Variants in PIK3R6 observed in about 807,000 individuals in gnomAD.
PIK3R6 encodes phosphoinositide 3-kinase regulatory subunit 6.
In PIK3R6, 91 loss-of-function variants were observed where a neutral mutation model predicts 84.9. The ratio of observed to expected loss-of-function variants is 1.07; its 90% CI spans 0.90 to 1.28. PIK3R6 has a LOEUF of 1.28. PIK3R6 is among the 50% of genes most tolerant of loss of function. The probability of loss-of-function intolerance (pLI) is 0.00; values close to 1 mark genes in which losing one functional copy is unlikely to be tolerated. For synonymous variants in PIK3R6, 416 were observed against 411.4 expected (o/e 1.01, Z -0.13); for missense variants, 996 against 985.1 (o/e 1.01, Z -0.15).
In PIK3R6 at chr17:8,832,982, C is replaced by T. The variant is rs749095989; in HGVS notation, c.709G>A (p.Ala237Thr). Residue 237 changes from alanine to threonine, a missense_variant, in exon 9 of 20, where the codon GCC becomes ACC. Physicochemically the swap from Ala to Thr is moderately conservative, Grantham distance 58. Transcript: ENST00000619866. ...TCCCGGCTCGGGCTGGCCTCGCTGG[C>T]CATCTGCTCCAAGGCGGCCACCACG... ...HAVVAALEQM[A>T]SEASPSREGH... The T allele has an allele frequency of 6.2e-7, 1 of 1,611,712 alleles. No individual in the cohort carries two copies. The highest frequency in any genetic ancestry group is 8.5e-7 in the Non-Finnish European group (1 of 1,179,608).
intron 1 of PIK3R6, among the ~76,000 whole-genome samples, chr17:8,851,388 T>C (rs1323947724): frequency 2.0e-5 from 3 of 148,308 alleles, no homozygotes; most frequent in Admixed American, 6.7e-5. Context: ...CCCAGCTACT[T>C]GGGAGGCTGG....
intron 18 of PIK3R6, among the ~76,000 whole-genome samples, chr17:8,816,137 T>C (rs1310558301): frequency 6.6e-6 from 1 of 152,160 alleles, no homozygotes; most frequent in Non-Finnish European, 1.5e-5. Flanking sequence ...ACAGAAGGAT[T>C]AGACTCCCAG....
intron 7 of PIK3R6, 119 bp downstream of exon 7, chr17:8,836,428 A>G (rs1597413820): frequency 7.9e-6 from 8 of 1,015,020 alleles, no homozygotes. Context: ...ATGGCTGGGG[A>G]GGTCTGCTAG....
chr17:8,836,462 CT>C, intron 7 of PIK3R6, 84 bp downstream of exon 7: 3 of 1,460,774 alleles, frequency 2.1e-6, no homozygotes, highest in African/African-American at 1.4e-5. Context: ...CCAGCCTCCT[CT>C]TTTGTCCTCC....
chr17:8,829,873 G>T (rs1036212304), intron 9 of PIK3R6, 81 bp from the exon 10 acceptor site: 19 of 1,171,318 alleles, frequency 1.6e-5, no homozygotes, highest in Non-Finnish European at 2.3e-5. Flanking sequence ...CCCAGCTCCT[G>T]TGCGGGGTCT....
rs544381702 is a variant in PIK3R6 at position 8,833,819 on chromosome 17, C to T, written c.646-774G>A. Among the ~76,000 whole-genome samples the T allele has an allele frequency of 4.6e-5, 7 of 151,986 alleles. No homozygotes were observed. In the South Asian group the frequency reaches 1.5e-3, roughly 32 times the overall value. ...CCTCCCAAAGTGTTGGGATTACAGG[C>T]GTGAACCACCGCGCTTGGCCGAAAG... On this transcript the variant is annotated intron_variant, in intron 8 of 19. Coordinates refer to ENST00000619866, the MANE Select transcript of PIK3R6 (RefSeq NM_001010855.4).
At chr17:8,831,809 C>T (rs1319530064) in intron 9 of PIK3R6, among the ~76,000 whole-genome samples, 2 of 152,132 alleles carry the variant, frequency 1.3e-5, no homozygotes, top group African/African-American at 4.8e-5. Flanking sequence ...TTTGAATGAC[C>T]ACGAAATAGG....
At chr17:8,856,919 C>T (rs562974470) in intron 1 of PIK3R6, among the ~76,000 whole-genome samples, 2 of 152,008 alleles carry the variant, frequency 1.3e-5, no homozygotes, top group East Asian at 1.9e-4. Context: ...TCTGGGAGCC[C>T]GCCAGTCAAT....
At chr17:8,855,401 G>C (rs1010616018) in intron 1 of PIK3R6, among the ~76,000 whole-genome samples, 2 of 151,192 alleles carry the variant, frequency 1.3e-5, no homozygotes, top group African/African-American at 4.9e-5. Flanking sequence ...ATGGGCAAAA[G>C]ATCTAAATAA....
intron 1 of PIK3R6, among the ~76,000 whole-genome samples, chr17:8,858,148 A>G (rs551833926): frequency 1.3e-5 from 2 of 152,258 alleles, no homozygotes; most frequent in East Asian, 3.9e-4. Flanking sequence ...CCCCCAGGGG[A>G]TGAGCTTGCA....
At chr17:8,834,987 G>A (rs1005589004) in intron 8 of PIK3R6, among the ~76,000 whole-genome samples, 9 of 152,006 alleles carry the variant, frequency 5.9e-5, no homozygotes, top group Non-Finnish European at 8.8e-5. Flanking sequence ...ACAGGTGCCC[G>A]CCACCACGGC....
At chr17:8,848,761 T>C (rs1271781383) in intron 2 of PIK3R6, among the ~76,000 whole-genome samples, 2 of 152,166 alleles carry the variant, frequency 1.3e-5, no homozygotes, top group African/African-American at 4.8e-5. Context: ...CCCAGAATAT[T>C]GTAACACCAG....
chr17:8,843,317 T>A (rs1343628855), intron 2 of PIK3R6, among the ~76,000 whole-genome samples: 1 of 152,180 alleles, frequency 6.6e-6, no homozygotes, highest in African/African-American at 2.4e-5. Flanking sequence ...CTTTCTTTTT[T>A]CCTTCCTTCT....
intron 1 of PIK3R6, among the ~76,000 whole-genome samples, chr17:8,858,419 C>T (rs1350518649): frequency 2.7e-5 from 4 of 145,586 alleles, no homozygotes; most frequent in South Asian, 2.2e-4. Context: ...TGGGTTCAAA[C>T]GATTCTCTTG....
intron 2 of PIK3R6, among the ~76,000 whole-genome samples, chr17:8,843,669 A>G (rs139150752): frequency 9.7e-4 from 147 of 151,994 alleles, no homozygotes; most frequent in Middle Eastern, 3.4e-3. Context: ...AGCTGCCAAC[A>G]TTTACAAGTC....
At chr17:8,834,645 G>A (rs1022500733) in intron 8 of PIK3R6, among the ~76,000 whole-genome samples, 3 of 151,012 alleles carry the variant, frequency 2.0e-5, no homozygotes, top group South Asian at 2.1e-4. Context: ...CTCCTGCCTC[G>A]GCCTCTCAAG....
chr17:8,852,583 A>AC (rs1445484700), intron 1 of PIK3R6, among the ~76,000 whole-genome samples: 4 of 151,968 alleles, frequency 2.6e-5, no homozygotes, highest in African/African-American at 9.7e-5. Flanking sequence ...ACTAAAAAAT[A>AC]AAAAAATTAG....
At chr17:8,822,511 C>T (rs2087771509) in intron 16 of PIK3R6, 76 bp downstream of exon 16, 2 of 1,508,382 alleles carry the variant, frequency 1.3e-6, no homozygotes, top group East Asian at 2.3e-5. Flanking sequence ...CTATCTGCTT[C>T]CCTGCTTGTC....
chr17:8,822,558 A>G (rs560495439), intron 16 of PIK3R6, 29 bp downstream of exon 16: 1 of 1,611,474 alleles, frequency 6.2e-7, no homozygotes, highest in Admixed American at 1.7e-5. Flanking sequence ...CCTCTTGGCT[A>G]CCTACTGACC....
Sources: gnomAD v4.1 joint callset for allele counts (sites outside exome capture counted in the v4.1 genomes callset) on GRCh38, gnomAD v4.1.1 for gene constraint, MANE v1.5 for transcripts, NCBI Gene and HGNC (gene_info 2026-07-23, HGNC 2026-07-21) for gene names.